The following DIAPH3 variants were observed in gnomAD, a reference collection of about 807,000 sequenced individuals.
DIAPH3 encodes the protein protein diaphanous homolog 3.
DIAPH3 carries 117 observed loss-of-function variants against 144.3 expected under a neutral mutation model. The ratio of observed to expected loss-of-function variants is 0.81; its 90% CI spans 0.70 to 0.95. DIAPH3 has a LOEUF of 0.95. Among genes scored for constraint, DIAPH3 ranks in the 40% least tolerant of loss-of-function variants. DIAPH3 has a pLI of 0.00. For synonymous variants in DIAPH3, 519 were observed against 488.9 expected (o/e 1.06, Z -0.81); for missense variants, 1,421 against 1,412.7 (o/e 1.01, Z -0.09).
chr13:59,730,416 C>G (rs559045498), intron 27 of DIAPH3, among the ~76,000 whole-genome samples: 9 of 151,920 alleles, frequency 5.9e-5, no homozygotes, highest in Non-Finnish European at 8.8e-5. Context: ...TACACAAGGG[C>G]AAACAAAACA....
intron 8 of DIAPH3, among the ~76,000 whole-genome samples, chr13:60,009,847 G>C (rs2140944083): frequency 6.6e-6 from 1 of 152,214 alleles, no homozygotes; most frequent in East Asian, 1.9e-4. Context: ...ATTTCTGTTA[G>C]TTCTTTTGCC....
chr13:59,935,234 G>T (rs745364943), intron 17 of DIAPH3, among the ~76,000 whole-genome samples: 1 of 152,104 alleles, frequency 6.6e-6, no homozygotes, highest in African/African-American at 2.4e-5. Flanking sequence ...GAGTATGTGT[G>T]GATTTTAGTA....
intron 17 of DIAPH3, among the ~76,000 whole-genome samples, chr13:59,948,662 T>C (rs1566558953): frequency 6.6e-6 from 1 of 152,090 alleles, no homozygotes; most frequent in East Asian, 1.9e-4. Context: ...GTTTTTGCTA[T>C]ATTGCCCAAG....
chr13:59,923,050 C>G (rs570954093), intron 18 of DIAPH3, among the ~76,000 whole-genome samples: 1 of 152,016 alleles, frequency 6.6e-6, no homozygotes, highest in Admixed American at 6.6e-5. Flanking sequence ...AACTAGTAAA[C>G]AAAGGTAATC....
intron 27 of DIAPH3, among the ~76,000 whole-genome samples, chr13:59,740,545 C>T (rs73208925): frequency 0.044 from 6,660 of 152,120 alleles, 167 homozygotes; most frequent in African/African-American, 0.054. Flanking sequence ...ACACCAAGCA[C>T]GAAGTTCTTC....
At chr13:59,791,900 C>T (rs914150531) in intron 25 of DIAPH3, among the ~76,000 whole-genome samples, 8 of 152,138 alleles carry the variant, frequency 5.3e-5, no homozygotes, top group African/African-American at 1.9e-4. Flanking sequence ...CTGCCATGGC[C>T]TCCTGACTCC....
chr13:59,788,738 G>A (rs745979184), intron 25 of DIAPH3, among the ~76,000 whole-genome samples: 7 of 152,116 alleles, frequency 4.6e-5, no homozygotes, highest in Non-Finnish European at 8.8e-5. Context: ...AATATAGTAA[G>A]TGAAATAAAC....
intron 27 of DIAPH3, among the ~76,000 whole-genome samples, chr13:59,740,728 C>T (rs988663948): frequency 2.0e-5 from 3 of 152,050 alleles, no homozygotes; most frequent in Admixed American, 6.6e-5. Context: ...AACTTATCTA[C>T]CTTTATTTAA....
At chr13:59,950,249 C>G (rs1417738337) in intron 17 of DIAPH3, among the ~76,000 whole-genome samples, 1 of 152,080 alleles carries the variant, frequency 6.6e-6, no homozygotes, top group Non-Finnish European at 1.5e-5. Flanking sequence ...GTGACATTGT[C>G]CCATATATAT....
rs557310431 is a variant in DIAPH3 at position 60,023,366 on chromosome 13, T to C, written c.627-7221A>G. Among the ~76,000 whole-genome samples the C allele has an allele frequency of 9.8e-5, 15 of 152,308 alleles. No individual in the cohort carries two copies. In the East Asian group the frequency reaches 2.5e-3, roughly 25 times the overall value. On this transcript the variant is annotated intron_variant, in intron 5 of 27. Coordinates refer to ENST00000400324, the MANE Select transcript of DIAPH3 (RefSeq NM_001042517.2). ...CTGTTGATGTCTTGGTAATATATCT[T>C]GTTTAGTTCATGAAATTCGCAATTT... is the stretch of plus-strand genomic sequence containing the variant.
At chr13:59,795,545 C>G (rs1416917644) in intron 25 of DIAPH3, among the ~76,000 whole-genome samples, 1 of 151,702 alleles carries the variant, frequency 6.6e-6, no homozygotes, top group Non-Finnish European at 1.5e-5. Flanking sequence ...AGCTCCGCCT[C>G]CGGGTTCACA....
Position 60,093,678 on chromosome 13 carries a change from T to G in DIAPH3, c.445A>C (p.Ser149Arg), listed in dbSNP as rs1188611525. 2.5e-6 allele frequency: 4 copies of G among 1,612,980 alleles called. No homozygotes were observed. The highest frequency in any genetic ancestry group is 3.4e-6 in the Non-Finnish European group (4 of 1,179,626). Residue 149 changes from serine (S) to arginine (R), a missense_variant, in exon 4 of 28, where the codon AGT becomes CGT. Transcript: ENST00000400324. ...TGCATCACCATTTCTTTTTTGATAC[T>G]GAAGTCCTTTTCCCGCAATGGTGCC... ...KKAPLREKDFSIKKEMVMQYI... is the reference protein window; with the variant it reads ...KKAPLREKDFRIKKEMVMQYI...
At chr13:59,768,662 G>C (rs563924159) in intron 27 of DIAPH3, among the ~76,000 whole-genome samples, 3 of 152,090 alleles carry the variant, frequency 2.0e-5, no homozygotes, top group Non-Finnish European at 4.4e-5. Context: ...AGAAAAATAT[G>C]CTAATTCAAA....
At chr13:60,157,687 T>C (rs945523985) in intron 1 of DIAPH3, among the ~76,000 whole-genome samples, 3 of 152,238 alleles carry the variant, frequency 2.0e-5, no homozygotes, top group Admixed American at 6.5e-5. Context: ...ACATTGTGAA[T>C]GTATGGTGTA....
chr13:60,091,159 C>A (rs2057916900), intron 4 of DIAPH3, among the ~76,000 whole-genome samples: 1 of 152,216 alleles, frequency 6.6e-6, no homozygotes, highest in Non-Finnish European at 1.5e-5. Context: ...ACAGGGTAGT[C>A]TTCACTGACT....
At chr13:60,142,353 A>G (rs984128373) in intron 1 of DIAPH3, among the ~76,000 whole-genome samples, 1 of 152,204 alleles carries the variant, frequency 6.6e-6, no homozygotes, top group Non-Finnish European at 1.5e-5. Flanking sequence ...ATACTCTCAA[A>G]ACACTGTAAA....
At chr13:59,863,600 C>T (rs995586854) in intron 21 of DIAPH3, among the ~76,000 whole-genome samples, 28 of 152,198 alleles carry the variant, frequency 1.8e-4, no homozygotes, top group Middle Eastern at 3.4e-3. Context: ...CAGTGAGCTA[C>T]CCACCTAGAC....
intron 5 of DIAPH3, among the ~76,000 whole-genome samples, chr13:60,030,385 C>A (rs1594416942): frequency 6.6e-6 from 1 of 151,978 alleles, no homozygotes; most frequent in South Asian, 2.1e-4. Flanking sequence ...GGAATCGCAA[C>A]AATTTAAGAA....
At chr13:59,807,248 G>A (rs2040246104) in intron 25 of DIAPH3, among the ~76,000 whole-genome samples, 1 of 151,692 alleles carries the variant, frequency 6.6e-6, no homozygotes, top group Admixed American at 6.6e-5. Flanking sequence ...GGTTTTAGAA[G>A]AGGTCTTTCA....
Sources: allele counts gnomAD v4.1 joint callset (sites outside exome capture counted in the v4.1 genomes callset), GRCh38; gene constraint gnomAD v4.1.1; transcripts MANE v1.5; gene names NCBI Gene and HGNC (gene_info 2026-07-23, HGNC 2026-07-21).